Variants in CNIH3 observed in about 807,000 individuals in gnomAD.
CNIH3 encodes protein cornichon homolog 3.
CNIH3 carries 14 observed loss-of-function variants against 24.1 expected under a neutral mutation model. The ratio of observed to expected loss-of-function variants is 0.58; its 90% confidence interval spans 0.38 to 0.91. The LOEUF (loss-of-function observed/expected upper bound fraction) is 0.91. Among genes scored for constraint, CNIH3 ranks in the 40% least tolerant of loss-of-function variants. The probability of loss-of-function intolerance (pLI) is 0.00; values close to 1 mark genes in which losing one functional copy is unlikely to be tolerated. For synonymous variants in CNIH3, 68 were observed against 73.8 expected, an observed-to-expected ratio of 0.92 and a Z score of 0.40; for missense variants, 178 against 196.8, an observed-to-expected ratio of 0.90 and a Z score of 0.57.
At chr1:224,587,260 A>G (rs4653590) in intron 5 of CNIH3, 15,953 of 152,380 alleles carry the variant, frequency 0.1, 939 homozygotes, top group South Asian at 0.24. Flanking sequence ...TCAGAACTGC[A>G]GCTTTTGGGG....
At chr1:224,715,333 C>T (rs528791413) in intron 3 of CNIH3, among the ~76,000 whole-genome samples, 27 of 152,162 alleles carry the variant, frequency 1.8e-4, no homozygotes, top group Non-Finnish European at 3.4e-4. Flanking sequence ...GCTTTCGCTA[C>T]TCATTCCTTG....
At chr1:224,582,027 T>G (rs987228407) in intron 4 of CNIH3, among the ~76,000 whole-genome samples, 1 of 152,102 alleles carries the variant, frequency 6.6e-6, no homozygotes, top group African/African-American at 2.4e-5. Flanking sequence ...ATGCACAAAA[T>G]AGGGAAAGAA....
At chr1:224,698,211 T>C (rs554821875) in intron 3 of CNIH3, among the ~76,000 whole-genome samples, 44 of 152,260 alleles carry the variant, frequency 2.9e-4, no homozygotes, top group Admixed American at 4.6e-4. Context: ...ACTGAATAAG[T>C]TAAATGTGCT....
intron 1 of CNIH3, among the ~76,000 whole-genome samples, chr1:224,644,083 TG>T (rs1253863393): frequency 2.6e-5 from 4 of 152,184 alleles, no homozygotes; most frequent in Non-Finnish European, 5.9e-5. Context: ...AGGGACCGAG[TG>T]GGGCTTGTCC....
At position 224,462,282 on chromosome 1, in the gene CNIH3, C is replaced by G. The variant is rs1390125181; in HGVS notation, n.203+27420C>G. ...AACCTTTAATGATGACATGTATCCA[C>G]CATCGTAGTGTTGTACAGAGTAGTT... is the stretch of plus-strand genomic sequence containing the variant. On this transcript the variant is annotated intron_variant and non_coding_transcript_variant, in intron 1 of 5. Coordinates refer to the CNIH3 transcript ENST00000471578. 2.0e-5 allele frequency among the ~76,000 whole-genome samples: 3 copies of G among 152,182 alleles called. No individual in the cohort carries two copies. The East Asian group carries it at 5.8e-4, about 29-fold the overall frequency.
At chr1:224,612,928 AC>A (rs1275965624), upstream of CNIH3, among the ~76,000 whole-genome samples, 1 of 152,204 alleles carries the variant, frequency 6.6e-6, no homozygotes, top group African/African-American at 2.4e-5. The surrounding 1 kb of genome is among the most constrained non-coding windows in gnomAD (Gnocchi z 4.7). Context: ...AAAGAAATAC[AC>A]CAGGATTGTG....
chr1:224,722,667 G>A (rs12406422), intron 3 of CNIH3, among the ~76,000 whole-genome samples: 36,304 of 152,154 alleles, frequency 0.24, 5,389 homozygotes, highest in Non-Finnish European at 0.33. Flanking sequence ...TGAAACTTGG[G>A]GGGAGTGCAG....
intron 1 of CNIH3, among the ~76,000 whole-genome samples, chr1:224,452,596 A>G (rs542461761): frequency 4.6e-5 from 7 of 151,306 alleles, no homozygotes; most frequent in Admixed American, 1.3e-4. Flanking sequence ...CCTGGCTAAC[A>G]CGGTGAAACC....
At chr1:224,574,661 C>A in intron 4 of CNIH3, 1 of 1,013,064 alleles carries the variant, frequency 9.9e-7, no homozygotes, top group Non-Finnish European at 1.6e-6. Context: ...TCTTCATCAC[C>A]AGCAAGCTGT....
intron 1 of CNIH3, among the ~76,000 whole-genome samples, chr1:224,660,705 A>C (rs1198777723): frequency 6.6e-6 from 1 of 152,260 alleles, no homozygotes; most frequent in Non-Finnish European, 1.5e-5. Context: ...ATATTAAGCC[A>C]GAAGTATATT....
At chr1:224,581,716 G>C (rs563418787) in intron 4 of CNIH3, among the ~76,000 whole-genome samples, 15 of 152,116 alleles carry the variant, frequency 9.9e-5, no homozygotes, top group Non-Finnish European at 1.9e-4. Flanking sequence ...TGATTGGTTG[G>C]CTTTTTAAAG....
chr1:224,681,039 T>C lies in CNIH3; in HGVS notation c.150+13T>C. ...TCCTGTTCATGCGGTAAGTGGCGGG[T>C]ACTGGTGAGGGGAAGGTGCTATCAC... On this transcript the variant is annotated intron_variant, in intron 2 of 5. Transcript: ENST00000272133. 6.2e-7 allele frequency: 1 copy of C among 1,612,734 alleles called. No individual in the cohort carries two copies. Among genetic ancestry groups the C allele is most frequent in the Non-Finnish European group, 8.5e-7 (1 of 1,178,868 alleles).
chr1:224,442,931 C>T (rs1018166358), intron 1 of CNIH3, among the ~76,000 whole-genome samples: 22 of 152,232 alleles, frequency 1.4e-4, no homozygotes, highest in African/African-American at 4.8e-4. Context: ...TATGAAACTT[C>T]GGCTCCTCAC....
At position 224,452,655 on chromosome 1, in the gene CNIH3, A is replaced by G. The variant is rs779724523; in HGVS notation, n.203+17793A>G. 3.4e-3 allele frequency among the ~76,000 whole-genome samples: 515 copies of G among 151,014 alleles called. 3 individuals are homozygous for G. Among genetic ancestry groups the G allele is most frequent in the Admixed American group, 5.8e-3 (88 of 15,182 alleles). On this transcript the variant is annotated intron_variant and non_coding_transcript_variant, in intron 1 of 5. Coordinates refer to the CNIH3 transcript ENST00000471578. ...ACATTAGCCAGGTGTGGTGATGGGC[A>G]CCTGTAGTCCCAGCTACTCGGGAGG...
At chr1:224,520,371 A>C (rs913246490) in intron 1 of CNIH3, among the ~76,000 whole-genome samples, 1 of 152,226 alleles carries the variant, frequency 6.6e-6, no homozygotes, top group Non-Finnish European at 1.5e-5. Context: ...CTCTACACTT[A>C]AGAACACTGA....
At position 224,720,968 on chromosome 1, in the gene CNIH3, A is replaced by G. The variant is rs1290017260; in HGVS notation, c.199-9494A>G. On this transcript the variant is annotated intron_variant, in intron 3 of 5. Transcript: ENST00000272133. The stretch of plus-strand genomic sequence containing the variant: ...GCCACTACGTTCTGCCTTCCATAGT[A>G]TAACTCATCCTTTAAATCTCCACTT... Among the ~76,000 whole-genome samples the G allele has an allele frequency of 3.9e-5, 6 of 152,264 alleles. No individual in the cohort carries two copies. The East Asian group carries it at 1.2e-3, about 29-fold the overall frequency.
In CNIH3 at chr1:224,628,776, T is replaced by A. The variant is rs1683670151; in HGVS notation, c.81+11521T>A. ...GAGGGGAAGGGAGGTGGGACATGTGTCATTATGCCCTCCTCCCTTTTGGAA... is the reference window on the plus strand; with the variant it reads ...GAGGGGAAGGGAGGTGGGACATGTGACATTATGCCCTCCTCCCTTTTGGAA... On this transcript the variant is annotated intron_variant, in intron 1 of 5. Coordinates refer to ENST00000272133, the MANE Select transcript of CNIH3 (RefSeq NM_152495.2). 2.0e-5 allele frequency among the ~76,000 whole-genome samples: 3 copies of A among 152,096 alleles called. No homozygotes were observed. In the South Asian group the frequency reaches 6.2e-4, roughly 32 times the overall value.
At chr1:224,506,396 C>T (rs1262746405) in intron 1 of CNIH3, among the ~76,000 whole-genome samples, 1 of 152,246 alleles carries the variant, frequency 6.6e-6, no homozygotes, top group East Asian at 1.9e-4. Context: ...GTCTTCCCTC[C>T]TTCCTCCTTC....
intron 4 of CNIH3, among the ~76,000 whole-genome samples, chr1:224,581,099 G>A (rs553196976): frequency 2.6e-5 from 4 of 152,180 alleles, no homozygotes; most frequent in Admixed American, 2.6e-4. Context: ...TTGTTTTTTT[G>A]TAACTTGGCT....
Sources: gnomAD v4.1 joint callset for allele counts (sites outside exome capture counted in the v4.1 genomes callset) on GRCh38, gnomAD v4.1.1 for gene constraint, Gnocchi (gnomAD v3.1) non-coding constraint, MANE v1.5 for transcripts, NCBI Gene and HGNC (gene_info 2026-07-23, HGNC 2026-07-21) for gene names.